The following SCLT1 variants were observed in gnomAD, a reference collection of about 807,000 sequenced individuals.
SCLT1 encodes sodium channel and clathrin linker 1, also known as sodium channel-associated protein 1.
In SCLT1, 78 loss-of-function variants were observed where a neutral mutation model predicts 112.8. The observed-to-expected ratio is 0.69, with a 90% CI of 0.58 to 0.83. The LOEUF (loss-of-function observed/expected upper bound fraction) is 0.83, where lower values mean the gene tolerates loss of function less well. Among genes scored for constraint, SCLT1 ranks in the 40% least tolerant of loss-of-function variants. SCLT1 has a pLI of 0.00. For synonymous variants in SCLT1, 257 were observed against 254.7 expected (o/e 1.01, Z -0.09); for missense variants, 747 against 770.4 (o/e 0.97, Z 0.36).
chr4:128,989,253 A>G (rs929498161), intron 9 of SCLT1, among the ~76,000 whole-genome samples: 4 of 151,954 alleles, frequency 2.6e-5, no homozygotes, highest in Non-Finnish European at 5.9e-5. Context: ...CCAAAATTCA[A>G]ACAAGCTGAA....
chr4:128,957,326 T>C (rs762856235), intron 12 of SCLT1, among the ~76,000 whole-genome samples: 1 of 152,154 alleles, frequency 6.6e-6, no homozygotes. Context: ...ACTTTCTCTA[T>C]GGTATTTATT....
intron 5 of SCLT1, among the ~76,000 whole-genome samples, chr4:129,008,395 C>G (rs1354921917): frequency 6.6e-6 from 1 of 152,170 alleles, no homozygotes; most frequent in African/African-American, 2.4e-5. Context: ...AGTCAGTTAT[C>G]TTACTGCTAT....
intron 5 of SCLT1, among the ~76,000 whole-genome samples, chr4:129,035,231 T>G (rs1013999084): frequency 5.3e-5 from 8 of 152,140 alleles, no homozygotes; most frequent in Non-Finnish European, 1.5e-5. Flanking sequence ...TCTACAATCA[T>G]AGTTTAAAAA....
At chr4:128,897,800 T>C (rs1033198237) in intron 18 of SCLT1, among the ~76,000 whole-genome samples, 3 of 152,094 alleles carry the variant, frequency 2.0e-5, no homozygotes, top group African/African-American at 7.2e-5. Flanking sequence ...GAGACACACA[T>C]AGGCTCAAAA....
intron 5 of SCLT1, among the ~76,000 whole-genome samples, chr4:129,016,035 C>A (rs997813622): frequency 6.6e-6 from 1 of 151,982 alleles, no homozygotes; most frequent in African/African-American, 2.4e-5. Context: ...GATTAATTAT[C>A]TTGTTATGTC....
downstream of SCLT1, among the ~76,000 whole-genome samples, chr4:128,879,708 A>C (rs1732597964): frequency 6.6e-6 from 1 of 152,222 alleles, no homozygotes; most frequent in African/African-American, 2.4e-5. Context: ...AATACACATA[A>C]GCATGTTACC....
chr4:129,056,176 C>A (rs1358427233), intron 2 of SCLT1, among the ~76,000 whole-genome samples: 2 of 152,048 alleles, frequency 1.3e-5, no homozygotes, highest in Non-Finnish European at 2.9e-5. Context: ...GCAGAAATCA[C>A]CCACCTTCTG....
chr4:129,072,953 G>A (rs1475024008), intron 2 of SCLT1, among the ~76,000 whole-genome samples: 1 of 151,952 alleles, frequency 6.6e-6, no homozygotes, highest in Admixed American at 6.6e-5. Context: ...AAAGGTCTAG[G>A]GCTGAAAACT....
At chr4:129,013,545 T>A (rs896349300) in intron 5 of SCLT1, among the ~76,000 whole-genome samples, 1 of 152,086 alleles carries the variant, frequency 6.6e-6, no homozygotes, top group Non-Finnish European at 1.5e-5. Context: ...CTGAAAATGA[T>A]CTTATTTCTC....
rs191258123 is a variant in SCLT1 at position 129,048,294 on chromosome 4, G to C, written c.103-4243C>G. Among the ~76,000 whole-genome samples the C allele has an allele frequency of 1.2e-4, 19 of 152,146 alleles. No individual in the cohort carries two copies. The East Asian group carries it at 1.7e-3, about 14-fold the overall frequency. On this transcript the variant is annotated intron_variant, in intron 2 of 20. Transcript: ENST00000281142. Reference sequence around the variant, plus strand: ...ACCAAAACAGAGATATAGATCAATGGAACAGAACAGAGCCCTCAGAAATAA... The same window carrying C: ...ACCAAAACAGAGATATAGATCAATGCAACAGAACAGAGCCCTCAGAAATAA...
intron 5 of SCLT1, among the ~76,000 whole-genome samples, chr4:129,008,253 T>C (rs546814331): frequency 6.6e-6 from 1 of 152,218 alleles, no homozygotes; most frequent in Non-Finnish European, 1.5e-5. Flanking sequence ...TCTGAAAATG[T>C]ACTTATTTAA....
At chr4:128,884,893 C>T (rs867501849) in intron 20 of SCLT1, among the ~76,000 whole-genome samples, 6 of 152,284 alleles carry the variant, frequency 3.9e-5, no homozygotes, top group Middle Eastern at 6.8e-3. Flanking sequence ...GCAATCCACC[C>T]ACCTTGGTCT....
intron 2 of SCLT1, 27 bp downstream of exon 2, chr4:129,082,278 TC>T: frequency 8.8e-7 from 1 of 1,141,768 alleles, no homozygotes; most frequent in South Asian, 1.7e-5. Flanking sequence ...ATGAGAATAT[TC>T]CCAAGTAGAA....
chr4:129,021,212 C>T (rs1745441548), intron 5 of SCLT1, among the ~76,000 whole-genome samples: 1 of 152,190 alleles, frequency 6.6e-6, no homozygotes, highest in South Asian at 2.1e-4. Context: ...ATGCTTTTCC[C>T]ACGGTTTCTG....
At chr4:129,020,734 C>T (rs1745395355) in intron 5 of SCLT1, among the ~76,000 whole-genome samples, 1 of 152,126 alleles carries the variant, frequency 6.6e-6, no homozygotes. Flanking sequence ...CTTAAAATGA[C>T]TCAAGCCTCT....
chr4:129,058,924 G>A (rs776699926), intron 2 of SCLT1, among the ~76,000 whole-genome samples: 4 of 151,886 alleles, frequency 2.6e-5, no homozygotes, highest in Non-Finnish European at 5.9e-5. Context: ...TATATGCTCT[G>A]GTGTTGGGTG....
intron 18 of SCLT1, among the ~76,000 whole-genome samples, chr4:128,898,701 C>T (rs890891595): frequency 1.3e-5 from 2 of 152,130 alleles, no homozygotes; most frequent in Non-Finnish European, 2.9e-5. Context: ...AATAGAGACA[C>T]AAAAATCCCT....
chr4:129,025,657 C>T (rs1180297787), intron 5 of SCLT1, among the ~76,000 whole-genome samples: 1 of 152,140 alleles, frequency 6.6e-6, no homozygotes, highest in Non-Finnish European at 1.5e-5. Context: ...AGCAAAATAA[C>T]CAGCTAACAT....
chr4:129,063,112 G>T (rs2125736467), intron 2 of SCLT1, among the ~76,000 whole-genome samples: 1 of 152,176 alleles, frequency 6.6e-6, no homozygotes, highest in South Asian at 2.1e-4. Context: ...AATTTCAAAT[G>T]ACCTGCTTTC....
Sources: allele counts gnomAD v4.1 joint callset (sites outside exome capture counted in the v4.1 genomes callset), GRCh38; gene constraint gnomAD v4.1.1; transcripts MANE v1.5; gene names NCBI Gene and HGNC (gene_info 2026-07-23, HGNC 2026-07-21).